The following NEK10 variants were observed in gnomAD, a reference collection of about 807,000 sequenced individuals.
The protein encoded by NEK10 is NIMA related kinase 10, also known as serine/threonine-protein kinase Nek10.
NEK10 carries 122 observed loss-of-function variants against 159.8 expected under a neutral mutation model. That is an observed-to-expected ratio of 0.76 (90% CI 0.66 to 0.89). NEK10 has a LOEUF of 0.89. NEK10 is among the 40% of genes least tolerant of loss of function. NEK10 has a pLI of 0.00. For synonymous variants in NEK10, 466 were observed against 457.1 expected (o/e 1.02, Z -0.25); for missense variants, 1,342 against 1,323.1 (o/e 1.01, Z -0.22).
chr3:27,112,958 GT>G (rs1201918556), intron 35 of NEK10, among the ~76,000 whole-genome samples: 1 of 152,198 alleles, frequency 6.6e-6, no homozygotes, highest in East Asian at 1.9e-4. Context: ...TGTACTTGGA[GT>G]TATGTGTTAT....
intron 19 of NEK10, among the ~76,000 whole-genome samples, chr3:27,289,578 G>A (rs921368981): frequency 6.6e-6 from 1 of 152,158 alleles, no homozygotes; most frequent in African/African-American, 2.4e-5. Flanking sequence ...ATGTGACCAG[G>A]TAACCAACCA....
At chr3:27,294,237 T>A (rs2043192257) in intron 15 of NEK10, among the ~76,000 whole-genome samples, 1 of 152,224 alleles carries the variant, frequency 6.6e-6, no homozygotes, top group Non-Finnish European at 1.5e-5. Flanking sequence ...ATCTGACATT[T>A]TGCAGTACTG....
At chr3:27,185,685 T>C (rs1003900226) in intron 26 of NEK10, among the ~76,000 whole-genome samples, 1 of 152,224 alleles carries the variant, frequency 6.6e-6, no homozygotes, top group Non-Finnish European at 1.5e-5. Flanking sequence ...TCACATTTTG[T>C]GCAGGACTGT....
At chr3:27,269,541 T>G (rs1385687667) in intron 22 of NEK10, among the ~76,000 whole-genome samples, 1 of 152,222 alleles carries the variant, frequency 6.6e-6, no homozygotes, top group Non-Finnish European at 1.5e-5. Flanking sequence ...TATGTTTTAA[T>G]TGAGGTATGT....
At chr3:27,145,441 C>T (rs143709763) in intron 30 of NEK10, among the ~76,000 whole-genome samples, 5 of 152,136 alleles carry the variant, frequency 3.3e-5, no homozygotes, top group East Asian at 3.9e-4. Context: ...AAGGAAACTA[C>T]GAAATTTCTT....
At chr3:27,286,711 A>G (rs990675104) in intron 20 of NEK10, among the ~76,000 whole-genome samples, 1 of 151,986 alleles carries the variant, frequency 6.6e-6, no homozygotes, top group African/African-American at 2.4e-5. Context: ...TTCTTTTTGG[A>G]AGCTGTCAGG....
chr3:27,232,876 T>C (rs1953459578), intron 23 of NEK10, among the ~76,000 whole-genome samples: 1 of 152,100 alleles, frequency 6.6e-6, no homozygotes, highest in African/African-American at 2.4e-5. Flanking sequence ...AGAATAAAAC[T>C]GGATCCCCAT....
At chr3:27,139,717 T>C (rs62255182) in intron 31 of NEK10, among the ~76,000 whole-genome samples, 3,487 of 152,232 alleles carry the variant, frequency 0.023, 62 homozygotes, top group Non-Finnish European at 0.031. Flanking sequence ...CTGTGTTTGA[T>C]GAGGGTAAAA....
chr3:27,146,520 T>C (rs575517970), intron 30 of NEK10, among the ~76,000 whole-genome samples: 6 of 152,358 alleles, frequency 3.9e-5, no homozygotes, highest in South Asian at 4.1e-4. Flanking sequence ...AGCTTCTCTA[T>C]ATTGGACCAA....
At chr3:27,349,416 A>T (rs1418215929) in intron 3 of NEK10, among the ~76,000 whole-genome samples, 1 of 152,076 alleles carries the variant, frequency 6.6e-6, no homozygotes, top group African/African-American at 2.4e-5. Flanking sequence ...CTATTCCTCA[A>T]AAGCTATATG....
At chr3:27,223,435 C>T (rs1248195099) in intron 23 of NEK10, among the ~76,000 whole-genome samples, 2 of 152,162 alleles carry the variant, frequency 1.3e-5, no homozygotes, top group Non-Finnish European at 2.9e-5. Context: ...TGTCCATCTG[C>T]ACATCCAAGG....
At chr3:27,157,745 G>A (rs994140426) in intron 30 of NEK10, among the ~76,000 whole-genome samples, 2 of 152,080 alleles carry the variant, frequency 1.3e-5, no homozygotes, top group Non-Finnish European at 2.9e-5. Flanking sequence ...AGCATCGCAC[G>A]CTACAGAGAA....
At chr3:27,229,489 C>T (rs1033871772) in intron 23 of NEK10, among the ~76,000 whole-genome samples, 8 of 152,180 alleles carry the variant, frequency 5.3e-5, no homozygotes, top group East Asian at 1.9e-4. Context: ...AAAGATCACA[C>T]GAGTTCCACA....
At chr3:27,216,929 A>G (rs1353368042) in intron 23 of NEK10, among the ~76,000 whole-genome samples, 2 of 152,264 alleles carry the variant, frequency 1.3e-5, no homozygotes, top group Non-Finnish European at 2.9e-5. Context: ...ATTCTAAACT[A>G]TAATTGTACA....
chr3:27,358,205 T>C (rs1265232213), intron 1 of NEK10, among the ~76,000 whole-genome samples: 1 of 152,162 alleles, frequency 6.6e-6, no homozygotes, highest in Non-Finnish European at 1.5e-5. Flanking sequence ...TTTTGTTATA[T>C]AGGGAGTAGT....
rs544170143 is a variant in NEK10 at position 27,277,556 on chromosome 3, T to G, written c.2014+7046A>C. ...CAAGGCTCCTTCATCTCTTGCCACA[T>G]CAAACACCTTGATAGTTCCTAGACA... On this transcript the variant is annotated intron_variant, in intron 22 of 35. Transcript: ENST00000691995. Among the ~76,000 whole-genome samples, 4 of 152,286 alleles carry G rather than the reference T, an allele frequency of 2.6e-5. No homozygotes were observed. In the South Asian group the frequency reaches 8.3e-4, roughly 32 times the overall value.
intron 22 of NEK10, among the ~76,000 whole-genome samples, chr3:27,258,186 A>G (rs537953570): frequency 6.6e-6 from 1 of 152,288 alleles, no homozygotes; most frequent in South Asian, 2.1e-4. Context: ...TAAAATTTAA[A>G]TAATTTAATA....
At chr3:27,265,334 GTTTAA>G (rs2040800307) in intron 22 of NEK10, among the ~76,000 whole-genome samples, 1 of 152,012 alleles carries the variant, frequency 6.6e-6, no homozygotes, top group Non-Finnish European at 1.5e-5. Flanking sequence ...ATAAGCATGT[GTTTAA>G]TTTGATTTTA....
intron 15 of NEK10, among the ~76,000 whole-genome samples, chr3:27,295,025 T>C (rs943818739): frequency 6.6e-6 from 1 of 151,390 alleles, no homozygotes; most frequent in Admixed American, 6.6e-5. Flanking sequence ...TCCTCAAAAA[T>C]GAATGTAGAA....
Sources: gnomAD v4.1 joint callset for allele counts (sites outside exome capture counted in the v4.1 genomes callset) on GRCh38, gnomAD v4.1.1 for gene constraint, MANE v1.5 for transcripts, NCBI Gene and HGNC (gene_info 2026-07-23, HGNC 2026-07-21) for gene names.